Variants in EXOC6 observed in about 807,000 individuals in gnomAD.
EXOC6 encodes SEC15-like 1.
In EXOC6, 60 loss-of-function variants were observed where a neutral mutation model predicts 112.5. The ratio of observed to expected loss-of-function variants is 0.53; its 90% CI spans 0.43 to 0.66. The LOEUF (loss-of-function observed/expected upper bound fraction) is 0.66. EXOC6 is among the 30% of genes least tolerant of loss of function. The pLI is 0.00. For missense variants in EXOC6, 855 were observed against 957.1 expected, an observed-to-expected ratio of 0.89 and a Z score of 1.41; for synonymous variants, 295 against 308.0, an observed-to-expected ratio of 0.96 and a Z score of 0.44.
At chr10:93,038,298 T>C (rs1845609207) in intron 20 of EXOC6, among the ~76,000 whole-genome samples, 1 of 152,146 alleles carries the variant, frequency 6.6e-6, no homozygotes. Flanking sequence ...TATACTGTAT[T>C]TGCCATATCA....
intron 9 of EXOC6, among the ~76,000 whole-genome samples, chr10:92,931,675 CA>C (rs1161796718): frequency 1.3e-5 from 2 of 151,524 alleles, no homozygotes; most frequent in African/African-American, 4.8e-5. Context: ...GGCAAATAAG[CA>C]TATGAGAAGA....
intron 18 of EXOC6, among the ~76,000 whole-genome samples, chr10:92,976,274 C>A (rs1005456670): frequency 6.6e-6 from 1 of 152,160 alleles, no homozygotes; most frequent in Admixed American, 6.5e-5. Flanking sequence ...GGATGGTTGC[C>A]GTGTCTGTGT....
chr10:92,884,504 C>T (rs1395370897), intron 1 of EXOC6, among the ~76,000 whole-genome samples: 1 of 152,064 alleles, frequency 6.6e-6, no homozygotes, highest in Non-Finnish European at 1.5e-5. Context: ...GTTATGCAAC[C>T]AGTATATGTA....
At chr10:92,895,509 C>G (rs534072180) in intron 4 of EXOC6, among the ~76,000 whole-genome samples, 1 of 152,170 alleles carries the variant, frequency 6.6e-6, no homozygotes, top group East Asian at 1.9e-4. Context: ...ACCATTCTTG[C>G]CTTTCCTCCT....
intron 1 of EXOC6, among the ~76,000 whole-genome samples, chr10:92,858,468 A>G (rs1847733556): frequency 1.3e-5 from 2 of 150,408 alleles, no homozygotes; most frequent in African/African-American, 2.5e-5. Flanking sequence ...TTGTTCTCTG[A>G]TTGCATAATC....
chr10:92,902,349 A>G (rs1312378574), intron 5 of EXOC6, among the ~76,000 whole-genome samples: 2 of 151,944 alleles, frequency 1.3e-5, no homozygotes, highest in Admixed American at 6.6e-5. Flanking sequence ...TTAATAGTTC[A>G]GTCTTCTAGA....
At chr10:92,966,801 C>T (rs1011364732) in intron 17 of EXOC6, among the ~76,000 whole-genome samples, 8 of 148,598 alleles carry the variant, frequency 5.4e-5, no homozygotes, top group African/African-American at 2.0e-4. Flanking sequence ...TGGGTATATA[C>T]CCAGTAATGG....
exon 1 of EXOC6, among the ~76,000 whole-genome samples, chr10:92,826,889 C>T (rs1846395640): frequency 6.6e-6 from 1 of 152,072 alleles, no homozygotes; most frequent in Non-Finnish European, 1.5e-5. Flanking sequence ...TGGAGCATGC[C>T]TGGTAAAGTG....
intron 14 of EXOC6, 38 bp from the exon 15 acceptor site, chr10:92,952,235 A>G (rs573655966): frequency 2.9e-6 from 4 of 1,363,618 alleles, no homozygotes; most frequent in South Asian, 2.5e-5. Flanking sequence ...GTCTTTTTCT[A>G]AAATTTCAAA....
chr10:92,902,368 C>T (rs997917353), intron 5 of EXOC6, among the ~76,000 whole-genome samples: 2 of 151,956 alleles, frequency 1.3e-5, no homozygotes, highest in African/African-American at 4.8e-5. Context: ...GATTGGTTCT[C>T]TAATTTTCTT....
At chr10:92,893,303 T>C in intron 1 of EXOC6, 46 bp from the exon 2 acceptor site, 2 of 1,415,254 alleles carry the variant, frequency 1.4e-6, no homozygotes, top group Non-Finnish European at 1.9e-6. Context: ...TCAGGCTTAC[T>C]AAATAATACA....
chr10:92,972,496 G>C (rs1249448688), intron 17 of EXOC6, among the ~76,000 whole-genome samples: 1 of 151,820 alleles, frequency 6.6e-6, no homozygotes, highest in Admixed American at 6.7e-5. Flanking sequence ...CCTGGAAAAA[G>C]GTGGAATTTT....
chr10:92,834,582 A>G (rs761762046), upstream of EXOC6: 274 of 554,318 alleles, frequency 4.9e-4, no homozygotes, highest in South Asian at 8.6e-4. Flanking sequence ...TTATAGCATG[A>G]AGTCAGACAG....
At chr10:92,894,697 G>A (rs2133817045) in intron 2 of EXOC6, 97 bp from the exon 3 acceptor site, 2 of 931,008 alleles carry the variant, frequency 2.1e-6, no homozygotes, top group Middle Eastern at 4.5e-4. Flanking sequence ...TTTGTTCTAA[G>A]TTTCTCATGA....
At chr10:93,045,120 C>T (rs1036616477) in intron 20 of EXOC6, among the ~76,000 whole-genome samples, 6 of 152,220 alleles carry the variant, frequency 3.9e-5, no homozygotes, top group Non-Finnish European at 5.9e-5. Flanking sequence ...TGATCTGCCG[C>T]CTCAGCCTCC....
At chr10:92,979,591 G>A (rs1044230928) in intron 18 of EXOC6, among the ~76,000 whole-genome samples, 1 of 152,102 alleles carries the variant, frequency 6.6e-6, no homozygotes, top group African/African-American at 2.4e-5. Flanking sequence ...AATAATGTTC[G>A]CTTTAAATAC....
intron 1 of EXOC6, among the ~76,000 whole-genome samples, chr10:92,854,448 A>C (rs1005643655): frequency 6.6e-6 from 1 of 152,150 alleles, no homozygotes; most frequent in Non-Finnish European, 1.5e-5. Context: ...AAAAAAAAAA[A>C]AGACTGACTA....
intron 1 of EXOC6, among the ~76,000 whole-genome samples, chr10:92,849,891 A>G (rs868002459): frequency 5.9e-5 from 9 of 152,154 alleles, no homozygotes; most frequent in South Asian, 2.1e-4. Context: ...GACCTTGCCT[A>G]TTTGTTCACT....
intron 1 of EXOC6, among the ~76,000 whole-genome samples, chr10:92,862,182 TCTG>T (rs1383730937): frequency 6.6e-6 from 1 of 152,210 alleles, no homozygotes; most frequent in Non-Finnish European, 1.5e-5. Flanking sequence ...CAACCAGTTT[TCTG>T]CTTTCTATGA....
Sources: allele counts gnomAD v4.1 joint callset (sites outside exome capture counted in the v4.1 genomes callset), GRCh38; gene constraint gnomAD v4.1.1; transcripts MANE v1.5; gene names NCBI Gene and HGNC (gene_info 2026-07-23, HGNC 2026-07-21).